The following GRIN2A variants were observed in gnomAD, a reference collection of about 807,000 sequenced individuals.
The protein encoded by GRIN2A is glutamate ionotropic receptor NMDA type subunit 2A.
Under a neutral mutation model 113.4 loss-of-function variants are expected in GRIN2A, and 22 were observed. The observed-to-expected ratio is 0.19, with a 90% confidence interval of 0.14 to 0.28. The LOEUF (loss-of-function observed/expected upper bound fraction) is 0.28, where lower values mean the gene tolerates loss of function less well. GRIN2A is among the 10% of genes least tolerant of loss of function. GRIN2A has a pLI of 1.00. For missense variants in GRIN2A, 1,502 were observed against 1,887.0 expected (o/e 0.80, Z 3.78); for synonymous variants, 827 against 738.4 (o/e 1.12, Z -1.94).
chr16:9,894,432 T>C (rs2043762265), intron 3 of GRIN2A, among the ~76,000 whole-genome samples: 11 of 152,208 alleles, frequency 7.2e-5, no homozygotes, highest in Admixed American at 7.2e-4. Context: ...TTAAAAACCA[T>C]TCATTATCTA....
At chr16:9,946,398 A>C (rs2045018809) in intron 2 of GRIN2A, among the ~76,000 whole-genome samples, 1 of 152,174 alleles carries the variant, frequency 6.6e-6, no homozygotes, top group South Asian at 2.1e-4. Flanking sequence ...GGAGCTGATA[A>C]ACTTAAGCAC....
intron 2 of GRIN2A, among the ~76,000 whole-genome samples, chr16:9,987,433 G>A (rs950304733): frequency 3.3e-5 from 5 of 152,152 alleles, no homozygotes; most frequent in African/African-American, 1.2e-4. Context: ...CACAGAAGTG[G>A]AATTCCACCT....
chr16:10,000,752 T>G (rs533208102), intron 2 of GRIN2A, among the ~76,000 whole-genome samples: 1 of 152,330 alleles, frequency 6.6e-6, no homozygotes, highest in African/African-American at 2.4e-5. Context: ...CTCTTTCTCC[T>G]TTTTCTTCTC....
intron 2 of GRIN2A, among the ~76,000 whole-genome samples, chr16:10,166,908 C>CTTCTTTATGATCATAAAGAA (rs1395741746): frequency 4.6e-5 from 7 of 152,228 alleles, no homozygotes; most frequent in Admixed American, 6.5e-5. Flanking sequence ...TTCTTCCTTA[C>CTTCTTTATGATCATAAAGAA]GATTTTCCTT....
chr16:9,941,799 C>T (rs145732634), intron 2 of GRIN2A, among the ~76,000 whole-genome samples: 213 of 152,294 alleles, frequency 1.4e-3, no homozygotes, highest in African/African-American at 4.7e-3. Flanking sequence ...CGTTGCTCCT[C>T]ACTTTCTAGG....
At position 9,764,848 on chromosome 16, in the gene GRIN2A, C is replaced by T. The variant is rs759145938; in HGVS notation, c.2696G>A (p.Arg899Gln). The T allele has an allele frequency of 7.4e-6, 12 of 1,613,990 alleles. No homozygotes were observed. The highest frequency in any genetic ancestry group is 2.2e-5 in the East Asian group (1 of 44,884). The stretch of plus-strand genomic sequence containing the variant: ...CATGCTGGAAATGTTTTTGGCTGAC[C>T]GGAGGAGTTTTAACATGTTGCTCTG... The part of the protein sequence containing the change: ...GSQSNMLKLL[R>Q]SAKNISSMSN... Residue 899 changes from arginine to glutamine, a missense_variant, in exon 13 of 13, where the codon CGG becomes CAG. By Grantham distance (43) the Arg-to-Gln change is conservative (BLOSUM62 1). This residue lies in a region of GRIN2A where 832 missense variants were observed against 789.7 expected (regional missense o/e 1.05). Transcript: ENST00000330684.
At chr16:9,809,433 A>G (rs1304264844) in intron 10 of GRIN2A, among the ~76,000 whole-genome samples, 1 of 152,188 alleles carries the variant, frequency 6.6e-6, no homozygotes, top group African/African-American at 2.4e-5. Flanking sequence ...CTGTCTCAGA[A>G]AAACAAAAAC....
At chr16:9,963,143 T>G (rs1269528357) in intron 2 of GRIN2A, among the ~76,000 whole-genome samples, 2 of 145,526 alleles carry the variant, frequency 1.4e-5, no homozygotes, top group Admixed American at 1.4e-4. Flanking sequence ...CGGGGAGGGA[T>G]AGCATTAGGA....
chr16:9,935,512 T>TCACACACA (rs71157793), intron 3 of GRIN2A, among the ~76,000 whole-genome samples: 3,327 of 132,838 alleles, frequency 0.025, 67 homozygotes, highest in African/African-American at 0.028. Flanking sequence ...GTCTACTTCA[T>TCACACACA]CACACACACA....
intron 3 of GRIN2A, among the ~76,000 whole-genome samples, chr16:9,924,059 C>T (rs2044406556): frequency 7.2e-6 from 1 of 138,432 alleles, no homozygotes; most frequent in South Asian, 2.2e-4. Context: ...TGTAGTGAGC[C>T]GAGATTGCAC....
intron 3 of GRIN2A, among the ~76,000 whole-genome samples, chr16:9,907,897 G>A (rs771036080): frequency 7.2e-5 from 11 of 152,162 alleles, no homozygotes; most frequent in Non-Finnish European, 1.3e-4. Context: ...CCGGGAAACA[G>A]GGATCATGTC....
intron 2 of GRIN2A, among the ~76,000 whole-genome samples, chr16:10,072,201 G>A (rs924000527): frequency 6.6e-6 from 1 of 152,212 alleles, no homozygotes; most frequent in Non-Finnish European, 1.5e-5. Flanking sequence ...AGCATCATGA[G>A]GCTGTTGCAT....
At chr16:9,911,906 G>A (rs565278402) in intron 3 of GRIN2A, among the ~76,000 whole-genome samples, 10 of 152,304 alleles carry the variant, frequency 6.6e-5, no homozygotes, top group African/African-American at 2.4e-4. Context: ...AGGGTGAGAG[G>A]CATTAAGGTA....
chr16:10,109,276 T>A (rs1475233328), intron 2 of GRIN2A, among the ~76,000 whole-genome samples: 2 of 151,940 alleles, frequency 1.3e-5, no homozygotes, highest in Non-Finnish European at 2.9e-5. Flanking sequence ...ACCCATAGTT[T>A]AAAACCCTCC....
chr16:10,113,557 C>T (rs1271995913), intron 2 of GRIN2A, among the ~76,000 whole-genome samples: 3 of 152,238 alleles, frequency 2.0e-5, no homozygotes, highest in African/African-American at 7.2e-5. Context: ...ATCACAGTTA[C>T]ATCACTGTGT....
intron 2 of GRIN2A, among the ~76,000 whole-genome samples, chr16:10,105,905 T>C (rs1454617582): frequency 6.6e-6 from 1 of 152,126 alleles, no homozygotes; most frequent in Admixed American, 6.6e-5. Context: ...AGACTCTATC[T>C]CCAAAAATAA....
intron 2 of GRIN2A, among the ~76,000 whole-genome samples, chr16:10,173,420 A>G (rs1470618800): frequency 6.6e-6 from 1 of 152,168 alleles, no homozygotes; most frequent in Non-Finnish European, 1.5e-5. Flanking sequence ...TAACCCCCCA[A>G]TTTATGCTAA....
chr16:10,006,800 G>A (rs2046411619), intron 2 of GRIN2A, among the ~76,000 whole-genome samples: 1 of 151,938 alleles, frequency 6.6e-6, no homozygotes, highest in Non-Finnish European at 1.5e-5. Context: ...ACCCTTCCCA[G>A]ACTCTAGTAA....
intron 10 of GRIN2A, among the ~76,000 whole-genome samples, chr16:9,802,466 A>G (rs1214030181): frequency 6.6e-6 from 1 of 152,234 alleles, no homozygotes. Flanking sequence ...AAATAATAAC[A>G]AATGGAATCA....
Sources: gnomAD v4.1 joint callset for allele counts (sites outside exome capture counted in the v4.1 genomes callset) on GRCh38, gnomAD v4.1.1 for gene constraint, gnomAD v4.1.1 regional missense constraint, MANE v1.5 for transcripts, NCBI Gene and HGNC (gene_info 2026-07-23, HGNC 2026-07-21) for gene names.